The following SATL1 variants were observed in gnomAD, a reference collection of about 807,000 sequenced individuals.
The protein encoded by SATL1 is spermidine/spermine N(1)-acetyltransferase-like protein 1.
SATL1 carries 47 observed loss-of-function variants against 51.8 expected under a neutral mutation model. The observed-to-expected ratio is 0.91, with a 90% confidence interval of 0.72 to 1.16. SATL1 has a LOEUF of 1.16. Ranked by LOEUF, SATL1 falls within the 50% of genes most tolerant of loss-of-function variation. SATL1 has a pLI of 0.00. For synonymous variants in SATL1, 176 were observed against 182.4 expected (o/e 0.97, Z 0.28); for missense variants, 520 against 526.4 (o/e 0.99, Z 0.12).
chrX:85,120,696 T>G (rs1925484471), intron 2 of SATL1, among the ~76,000 whole-genome samples: 1 of 112,180 alleles, frequency 8.9e-6, no homozygotes, highest in African/African-American at 3.2e-5. Context: ...ATATTGTGCT[T>G]AGTTAATAAG....
At chrX:85,181,123 A>G (rs189395933) in intron 2 of SATL1, among the ~76,000 whole-genome samples, 157 of 106,414 alleles carry the variant, frequency 1.5e-3, no homozygotes, top group African/African-American at 5.2e-3. Flanking sequence ...GTGTGTATAT[A>G]CGTGTGTGAC....
rs772504970 is a variant in SATL1 at position 85,144,165 on chromosome X, T to G, written c.-312-34885A>C. ...GAATGTTGGGTAGTTGAATGTTCAG[T>G]GGAGCATTTTGGCCCAGTGAAGTTG... is the stretch of plus-strand genomic sequence containing the variant. On this transcript the variant is annotated intron_variant, in intron 2 of 7. Transcript: ENST00000644105. 2.7e-5 allele frequency among the ~76,000 whole-genome samples: 3 copies of G among 111,879 alleles called. No homozygotes were observed. The South Asian group carries it at 1.1e-3, about 42-fold the overall frequency.
chrX:85,093,327 T>C (rs1396989633), intron 6 of SATL1, 102 bp from the exon 7 acceptor site: 1 of 805,595 alleles, frequency 1.2e-6, no homozygotes, highest in East Asian at 3.5e-5. Flanking sequence ...ATCTGTTTTT[T>C]GTATATTATT....
chrX:85,159,291 A>G (rs73232597), intron 2 of SATL1, among the ~76,000 whole-genome samples: 17 of 112,019 alleles, frequency 1.5e-4, no homozygotes, highest in Non-Finnish European at 2.8e-4. Context: ...GTTATATACA[A>G]CAGGGGTCCC....
intron 1 of SATL1, among the ~76,000 whole-genome samples, chrX:85,230,041 C>T (rs945541990): frequency 9.0e-6 from 1 of 111,437 alleles, no homozygotes; most frequent in African/African-American, 3.3e-5. Context: ...ATCAAAATCC[C>T]AATGACATTT....
intron 2 of SATL1, among the ~76,000 whole-genome samples, chrX:85,131,908 A>G (rs1925816539): frequency 9.0e-6 from 1 of 111,258 alleles, no homozygotes; most frequent in African/African-American, 3.3e-5. Context: ...TCACTTATGA[A>G]GCTTAGTTTG....
At position 85,125,903 on chromosome X, in the gene SATL1, T is replaced by C. The variant is rs185678767; in HGVS notation, c.-312-16623A>G. 6.8e-3 allele frequency among the ~76,000 whole-genome samples: 750 copies of C among 110,428 alleles called. 5 individuals carry two copies. Among genetic ancestry groups the C allele is most frequent in the African/African-American group, 0.023 (702 of 30,422 alleles). On this transcript the variant is annotated intron_variant, in intron 2 of 7. Coordinates refer to ENST00000644105, the MANE Select transcript of SATL1 (RefSeq NM_001367857.2). The stretch of plus-strand genomic sequence containing the variant: ...CTTAGTCAATCTCAGGGTAAAGAAT[T>C]CCCTGGCCAGTGATGGATGCCAGGG...
intron 2 of SATL1, among the ~76,000 whole-genome samples, chrX:85,167,251 T>TG (rs201321430): frequency 0.046 from 3,859 of 84,324 alleles, 178 homozygotes; most frequent in Admixed American, 0.12. Context: ...ATCAGAGAGA[T>TG]GGGGGGGGGG....
intron 1 of SATL1, among the ~76,000 whole-genome samples, chrX:85,229,366 A>G (rs1419185935): frequency 8.9e-6 from 1 of 111,913 alleles, no homozygotes; most frequent in East Asian, 2.8e-4. Flanking sequence ...CTGAGAAAAG[A>G]AAACTGAAGA....
chrX:85,115,435 T>A (rs1925361974), intron 2 of SATL1, among the ~76,000 whole-genome samples: 1 of 112,328 alleles, frequency 8.9e-6, no homozygotes, highest in Non-Finnish European at 1.9e-5. Flanking sequence ...GGGTTCCAAT[T>A]AGTGTCTGTC....
chrX:85,143,167 T>C (rs192055451), intron 2 of SATL1: 19 of 112,396 alleles, frequency 1.7e-4, no homozygotes, highest in Admixed American at 1.3e-3. Context: ...AATAAATGGC[T>C]ATGACTGAAC....
chrX:85,094,221 T>G lies in SATL1; in HGVS notation c.1783A>C (p.Thr595Pro). ...NDQQKPSGKL[T>P]VGFAMYYFTY... ...AAGTAGTACATGGCAAATCCAACAG[T>G]CAGTTTGCCTAGGAAGGGAGAAGAA... The change falls in exon 6 of 8, where the codon ACT (threonine) becomes CCT (proline). Residue 595 changes from threonine to proline, a missense_variant. Coordinates refer to ENST00000644105, the MANE Select transcript of SATL1 (RefSeq NM_001367857.2). 2 of 1,145,944 alleles carry G rather than the reference T, an allele frequency of 1.7e-6. No homozygotes were observed. The highest frequency in any genetic ancestry group is 2.4e-6 in the Non-Finnish European group (2 of 837,940). 94.4% of individuals were successfully genotyped at this position (1,145,944 alleles called of 1,213,427 possible).
At chrX:85,129,308 C>T (rs1229358056) in intron 2 of SATL1, among the ~76,000 whole-genome samples, 3 of 111,599 alleles carry the variant, frequency 2.7e-5, no homozygotes, top group Non-Finnish European at 5.6e-5. Flanking sequence ...TTGTTTGTGT[C>T]CTCTTTTATT....
Position 85,107,533 on chromosome X carries a change from G to A in SATL1, c.1436C>T (p.Pro479Leu), listed in dbSNP as rs774227674. The stretch of plus-strand genomic sequence containing the variant: ...ACTCGGCCCCGGTTCCCATATGCCT[G>A]GTTGGCCCCTGCCTGGATGGCTCAT... ...TGMSHPGRGQ[P>L]GIWEPGPSQP... Residue 479 changes from proline (P) to leucine (L), a missense_variant, in exon 3 of 8, where the codon CCA (proline) becomes CTA (leucine). Pro to Leu is a moderately conservative substitution (Grantham distance 98, BLOSUM62 -3). Transcript: ENST00000644105. The A allele has an allele frequency of 8.3e-7, 1 of 1,210,893 alleles. No homozygotes were observed. The highest frequency in any genetic ancestry group is 3.0e-5 in the East Asian group (1 of 33,790).
chrX:85,113,552 G>A (rs1028078312), intron 2 of SATL1, among the ~76,000 whole-genome samples: 5 of 111,496 alleles, frequency 4.5e-5, no homozygotes, highest in African/African-American at 1.6e-4. Context: ...AGAAACAACT[G>A]ATGAGTCTAG....
intron 2 of SATL1, among the ~76,000 whole-genome samples, chrX:85,145,389 G>C (rs1228786389): frequency 8.9e-6 from 1 of 111,778 alleles, no homozygotes; most frequent in African/African-American, 3.3e-5. Context: ...AACTGGAATA[G>C]TACTTGGCAC....
intron 2 of SATL1, among the ~76,000 whole-genome samples, chrX:85,173,747 C>A (rs1166040998): frequency 1.0e-5 from 1 of 98,661 alleles, no homozygotes; most frequent in Non-Finnish European, 2.1e-5. Flanking sequence ...TTTTCACAAT[C>A]TTTTAAATTG....
intron 2 of SATL1, among the ~76,000 whole-genome samples, chrX:85,141,382 T>C (rs1926104961): frequency 8.9e-6 from 1 of 112,057 alleles, no homozygotes; most frequent in Non-Finnish European, 1.9e-5. Context: ...AACCTTAATG[T>C]CTTAGAAAGG....
chrX:85,096,047 T>G (rs1924711498), intron 4 of SATL1, among the ~76,000 whole-genome samples: 1 of 110,414 alleles, frequency 9.1e-6, no homozygotes, highest in African/African-American at 3.3e-5. Context: ...TGATGGTCAT[T>G]CAAAGGAATA....
Sources: allele counts gnomAD v4.1 joint callset (sites outside exome capture counted in the v4.1 genomes callset), GRCh38; gene constraint gnomAD v4.1.1; transcripts MANE v1.5; gene names NCBI Gene and HGNC (gene_info 2026-07-23, HGNC 2026-07-21).